RIT2: variants seen among roughly 807,000 people sequenced by gnomAD.
The protein encoded by RIT2 is GTP-binding protein Rit2.
RIT2 carries 24 observed loss-of-function variants against 23.7 expected under a neutral mutation model. That is an observed-to-expected ratio of 1.01 (90% CI 0.73 to 1.43). The LOEUF (loss-of-function observed/expected upper bound fraction) is 1.43. Ranked by LOEUF, RIT2 falls within the 40% of genes most tolerant of loss-of-function variation. The pLI is 0.00. For synonymous variants in RIT2, 107 were observed against 91.1 expected (o/e 1.17, Z -0.99); for missense variants, 236 against 266.9 (o/e 0.88, Z 0.81).
intron 1 of RIT2, among the ~76,000 whole-genome samples, chr18:43,057,022 G>T (rs550957538): frequency 7.8e-6 from 1 of 128,858 alleles, no homozygotes; most frequent in African/African-American, 2.9e-5. Flanking sequence ...GATGATCAAG[G>T]GTGCATAAGC....
In RIT2 at chr18:42,846,975, C is replaced by G. The variant is rs1458510303; in HGVS notation, c.426+76597G>C. 5.3e-5 allele frequency among the ~76,000 whole-genome samples: 8 copies of G among 152,156 alleles called. No individual in the cohort carries two copies. In the East Asian group the frequency reaches 1.5e-3, roughly 29 times the overall value. ...TCACGGGTTTTCACTCTGGTATAAC[C>G]TATTGAGTTGTGCATTTATGTTTTG... On this transcript the variant is annotated intron_variant, in intron 4 of 4. Transcript: ENST00000326695.
intron 4 of RIT2, among the ~76,000 whole-genome samples, chr18:42,866,695 C>T (rs1907480867): frequency 6.6e-6 from 1 of 150,800 alleles, no homozygotes; most frequent in South Asian, 2.1e-4. Flanking sequence ...TTCTTTCAGA[C>T]ATTATATGAA....
At chr18:42,936,568 C>A in intron 3 of RIT2, among the ~76,000 whole-genome samples, 1 of 152,294 alleles carries the variant, frequency 6.6e-6, no homozygotes, top group African/African-American at 2.4e-5. Context: ...TACTCGGAAA[C>A]TTTTCCTGAC....
chr18:42,915,740 C>A (rs1908891342), intron 4 of RIT2, among the ~76,000 whole-genome samples: 1 of 151,834 alleles, frequency 6.6e-6, no homozygotes, highest in Admixed American at 6.6e-5. Context: ...TTCTAAATGA[C>A]AAATTTGCCC....
chr18:42,782,673 G>A (rs369621385), intron 4 of RIT2, among the ~76,000 whole-genome samples: 11 of 152,192 alleles, frequency 7.2e-5, no homozygotes, highest in African/African-American at 2.4e-4. Flanking sequence ...GAATTCTGCA[G>A]GTCAGTGTTC....
Position 42,955,114 on chromosome 18 carries a change from T to C in RIT2, c.234+18960A>G, listed in dbSNP as rs1232410607. On this transcript the variant is annotated intron_variant, in intron 3 of 4. Coordinates refer to ENST00000326695, the MANE Select transcript of RIT2 (RefSeq NM_002930.4). Reference sequence around the variant, plus strand: ...TCTGAGGAAGTCAGATAAGCAGTAATTAAATTATCAGAAAAAAATAGTTGA... The same window carrying C: ...TCTGAGGAAGTCAGATAAGCAGTAACTAAATTATCAGAAAAAAATAGTTGA... Among the ~76,000 whole-genome samples, 3 of 152,154 alleles carry C rather than the reference T, an allele frequency of 2.0e-5. No individual in the cohort carries two copies. The East Asian group carries it at 5.8e-4, about 29-fold the overall frequency.
chr18:42,844,404 T>A (rs553608848), intron 4 of RIT2, among the ~76,000 whole-genome samples: 1 of 152,256 alleles, frequency 6.6e-6, no homozygotes, highest in African/African-American at 2.4e-5. Context: ...TGAGGTCACA[T>A]AGACACTTGA....
At chr18:43,030,760 G>A (rs1462078727) in intron 2 of RIT2, among the ~76,000 whole-genome samples, 1 of 152,032 alleles carries the variant, frequency 6.6e-6, no homozygotes, top group Non-Finnish European at 1.5e-5. Flanking sequence ...AGTTTAAATA[G>A]GTATCATGAA....
At chr18:42,893,376 G>A (rs1908235123) in intron 4 of RIT2, among the ~76,000 whole-genome samples, 1 of 152,194 alleles carries the variant, frequency 6.6e-6, no homozygotes, top group South Asian at 2.1e-4. Flanking sequence ...TAGATTCAGT[G>A]TTGGATGTGG....
chr18:42,863,953 A>G (rs937800848), intron 4 of RIT2, among the ~76,000 whole-genome samples: 2 of 152,192 alleles, frequency 1.3e-5, no homozygotes, highest in Non-Finnish European at 2.9e-5. Context: ...GTCTGTTAAA[A>G]AGAAACAATG....
At chr18:43,043,315 T>C (rs1053755786) in intron 1 of RIT2, among the ~76,000 whole-genome samples, 1 of 152,150 alleles carries the variant, frequency 6.6e-6, no homozygotes. Context: ...AGCCAGACTC[T>C]TTCCATTGTG....
At chr18:42,913,517 T>C (rs1175810580) in intron 4 of RIT2, among the ~76,000 whole-genome samples, 1 of 151,600 alleles carries the variant, frequency 6.6e-6, no homozygotes, top group African/African-American at 2.4e-5. Flanking sequence ...AGAACTCTCA[T>C]AACTTAAACT....
At chr18:43,033,397 A>G (rs910467497) in intron 2 of RIT2, among the ~76,000 whole-genome samples, 1 of 152,162 alleles carries the variant, frequency 6.6e-6, no homozygotes, top group Non-Finnish European at 1.5e-5. Flanking sequence ...CAAATGCACC[A>G]TTAACATGGC....
intron 4 of RIT2, among the ~76,000 whole-genome samples, chr18:42,901,283 A>G (rs775465648): frequency 2.6e-5 from 4 of 152,040 alleles, no homozygotes; most frequent in Admixed American, 2.0e-4. Flanking sequence ...GGATTAAAGC[A>G]CTTGTACAAT....
intron 4 of RIT2, among the ~76,000 whole-genome samples, chr18:42,820,369 TAAAA>T: frequency 6.8e-6 from 1 of 146,630 alleles, no homozygotes; most frequent in Middle Eastern, 3.6e-3. Flanking sequence ...ACAAACCAGT[TAAAA>T]AAAAAAAGTG....
chr18:43,109,924 G>A (rs538789450), intron 1 of RIT2, among the ~76,000 whole-genome samples: 1 of 152,208 alleles, frequency 6.6e-6, no homozygotes, highest in Admixed American at 6.5e-5. Flanking sequence ...ACCTTTTTCT[G>A]CTTTTCCCAT....
chr18:42,901,187 G>A (rs1908467188), intron 4 of RIT2, among the ~76,000 whole-genome samples: 1 of 152,020 alleles, frequency 6.6e-6, no homozygotes, highest in Non-Finnish European at 1.5e-5. Flanking sequence ...AGATATTGAT[G>A]CTTGAGTTCA....
At chr18:42,823,346 AC>A (rs1906203548) in intron 4 of RIT2, among the ~76,000 whole-genome samples, 1 of 152,160 alleles carries the variant, frequency 6.6e-6, no homozygotes. Context: ...ATTTAAGTTT[AC>A]CTTTATACAG....
intron 4 of RIT2, among the ~76,000 whole-genome samples, chr18:42,891,697 C>CT (rs1193228947): frequency 6.6e-6 from 1 of 152,064 alleles, no homozygotes; most frequent in African/African-American, 2.4e-5. Flanking sequence ...AAAGGTGCAA[C>CT]TATGGAGACA....
Sources: gnomAD v4.1 joint callset for allele counts (sites outside exome capture counted in the v4.1 genomes callset) on GRCh38, gnomAD v4.1.1 for gene constraint, MANE v1.5 for transcripts, NCBI Gene and HGNC (gene_info 2026-07-23, HGNC 2026-07-21) for gene names.